The following KLHDC4 variants were observed in gnomAD, a reference collection of about 807,000 sequenced individuals.
KLHDC4 encodes the protein kelch domain containing 4.
A neutral mutation model predicts 62.4 loss-of-function variants in KLHDC4; 90 were observed. That is an observed-to-expected ratio of 1.44 (90% CI 1.22 to 1.72). KLHDC4 has a LOEUF of 1.72. Among genes scored for constraint, KLHDC4 ranks in the 40% most tolerant of loss-of-function variants. The pLI is 0.00. For missense variants in KLHDC4, 1,025 were observed against 699.7 expected, an observed-to-expected ratio of 1.47 and a Z score of -5.25; for synonymous variants, 386 against 284.4, an observed-to-expected ratio of 1.36 and a Z score of -3.59.
intron 8 of KLHDC4, among the ~76,000 whole-genome samples, chr16:87,712,118 T>C (rs989964583): frequency 2.7e-5 from 4 of 147,900 alleles, no homozygotes; most frequent in African/African-American, 7.8e-5. Flanking sequence ...CAGCCCCACC[T>C]TGGGCTGCAG....
intron 7 of KLHDC4, among the ~76,000 whole-genome samples, chr16:87,716,924 T>G (rs1357249438): frequency 3.3e-5 from 5 of 150,748 alleles, no homozygotes; most frequent in Non-Finnish European, 7.4e-5. Context: ...AGAGCGAGAC[T>G]CCGTCTCAAA....
intron 5 of KLHDC4, among the ~76,000 whole-genome samples, chr16:87,744,642 TG>T (rs139476240): frequency 0.011 from 1,563 of 148,666 alleles, 31 homozygotes; most frequent in African/African-American, 0.037. Context: ...ACAAAATACA[TG>T]AAAAAAGCAA....
At chr16:87,744,011 G>A (rs1413283326) in intron 5 of KLHDC4, among the ~76,000 whole-genome samples, 1 of 152,194 alleles carries the variant, frequency 6.6e-6, no homozygotes, top group Non-Finnish European at 1.5e-5. Flanking sequence ...AGGCGTGGTG[G>A]CTCATGCCTG....
chr16:87,701,426 A>C (rs2034138334), exon 1 of KLHDC4: 1 of 342,740 alleles, frequency 2.9e-6, no homozygotes, highest in Non-Finnish European at 5.8e-6. Context: ...CTGTTTCTTC[A>C]TGAAACCCAA....
intron 7 of KLHDC4, among the ~76,000 whole-genome samples, chr16:87,725,519 C>T (rs116285625): frequency 1.3e-5 from 2 of 152,162 alleles, no homozygotes; most frequent in African/African-American, 4.8e-5. Flanking sequence ...AGGTGTTCCC[C>T]GTAAAATTCT....
intron 1 of KLHDC4, 151 bp downstream of exon 1, chr16:87,765,641 C>G (rs1313250770): frequency 3.7e-5 from 25 of 675,010 alleles, no homozygotes; most frequent in Admixed American, 9.7e-5. Context: ...GCTGCCCGGA[C>G]GCGGCGCCGG....
chr16:87,733,652 T>C (rs1255476172), intron 5 of KLHDC4, among the ~76,000 whole-genome samples: 2 of 136,110 alleles, frequency 1.5e-5, no homozygotes, highest in Non-Finnish European at 3.2e-5. Flanking sequence ...GCCTCCTACT[T>C]AGGAATCCAC....
rs183974006 is a variant in KLHDC4, at chr16:87,708,118, C to T, written c.*2-43G>A. On this transcript the variant is annotated intron_variant, in intron 11 of 11. Transcript: ENST00000270583. ...AGGAATGAGAGAGAAACACATTCAGCCGAGGGGGAGGCCCGTGCAGGAGGG... is the reference window on the plus strand; with the variant it reads ...AGGAATGAGAGAGAAACACATTCAGTCGAGGGGGAGGCCCGTGCAGGAGGG... 530 of 656,458 alleles carry T rather than the reference C, an allele frequency of 8.1e-4. 2 individuals are homozygous for T. The African/African-American group carries it at 8.5e-3, about 11-fold the overall frequency. The allele number at this position is 656,458 out of a possible 1,614,324, so 40.7% of individuals were successfully genotyped here. A position where few individuals can be genotyped will look rare whatever the true frequency, so the allele number is the denominator to read the frequency against.
At chr16:87,706,873 C>T (rs947672237), downstream of KLHDC4, among the ~76,000 whole-genome samples, 29 of 152,290 alleles carry the variant, frequency 1.9e-4, no homozygotes, top group South Asian at 4.1e-4. Flanking sequence ...GCCAAGGGAG[C>T]GGGGAGGTGC....
chr16:87,720,248 G>A (rs1397627192), intron 7 of KLHDC4, among the ~76,000 whole-genome samples: 1 of 152,182 alleles, frequency 6.6e-6, no homozygotes, highest in Non-Finnish European at 1.5e-5. Flanking sequence ...ACGGCCAGAC[G>A]ACTGGTCCTG....
chr16:87,753,807 G>GAA (rs34945685), intron 4 of KLHDC4, among the ~76,000 whole-genome samples: 2 of 128,650 alleles, frequency 1.6e-5, no homozygotes, highest in Admixed American at 7.8e-5. Context: ...ATCTCAAGGA[G>GAA]AAAAAAAAAA....
rs754335267 is a variant in KLHDC4 at position 87,726,792 on chromosome 16, G to A, written c.732C>T (p.Ile244=). Residue 244 remains isoleucine, a synonymous_variant, in exon 7 of 12, where the codon ATC becomes ATT. Transcript: ENST00000270583. ...GTTTCGAGTAGCCCCCATAGACGACGATGCCGCCCTGGGGAGTGACGGACA... is the reference window on the plus strand; with the variant it reads ...GTTTCGAGTAGCCCCCATAGACGACAATGCCGCCCTGGGGAGTGACGGACA... ...CQMSVTPQGG[I]VVYGGYSKQR... 3 of 1,594,372 alleles carry A rather than the reference G, an allele frequency of 1.9e-6. No individual in the cohort carries two copies. The highest frequency in any genetic ancestry group is 1.8e-5 in the Admixed American group (1 of 56,502).
intron 7 of KLHDC4, among the ~76,000 whole-genome samples, chr16:87,721,381 T>C (rs867871659): frequency 2.3e-5 from 3 of 128,872 alleles, no homozygotes; most frequent in Admixed American, 9.1e-5. Flanking sequence ...CCCACTGCAC[T>C]CCAGCCTGGG....
intron 2 of KLHDC4, among the ~76,000 whole-genome samples, chr16:87,757,976 G>A (rs1165056460): frequency 1.3e-5 from 2 of 152,182 alleles, no homozygotes; most frequent in African/African-American, 2.4e-5. Context: ...GCGAATCACT[G>A]GGAAAGATCC....
intron 1 of KLHDC4, among the ~76,000 whole-genome samples, chr16:87,764,241 T>C (rs903238270): frequency 1.4e-4 from 21 of 152,194 alleles, no homozygotes; most frequent in Admixed American, 1.3e-3. Context: ...TTTTGAGGGT[T>C]CATTCAGATA....
chr16:87,745,602 T>G (rs548650101), intron 5 of KLHDC4, among the ~76,000 whole-genome samples: 1 of 152,234 alleles, frequency 6.6e-6, no homozygotes, highest in African/African-American at 2.4e-5. Context: ...TAAGATGCGC[T>G]TGGAGCTGGT....
At chr16:87,716,275 C>T (rs1398964142) in intron 7 of KLHDC4, among the ~76,000 whole-genome samples, 3 of 148,886 alleles carry the variant, frequency 2.0e-5, no homozygotes, top group Admixed American at 6.7e-5. Context: ...TTTGGGTACA[C>T]GCTATGGTCT....
At chr16:87,700,831 T>C in exon 1 of KLHDC4, 1 of 118,778 alleles carries the variant, frequency 8.4e-6, no homozygotes, top group Non-Finnish European at 1.5e-5. Context: ...AGGGAGGAGG[T>C]TGGAGGGCGG....
At chr16:87,702,444 C>G (rs538760552) in exon 1 of KLHDC4, 2 of 364,768 alleles carry the variant, frequency 5.5e-6, no homozygotes, top group East Asian at 1.5e-4. Flanking sequence ...TCGCTTGGGC[C>G]TCTGGGGAGC....
Sources: allele counts gnomAD v4.1 joint callset (sites outside exome capture counted in the v4.1 genomes callset), GRCh38; gene constraint gnomAD v4.1.1; transcripts MANE v1.5; gene names NCBI Gene and HGNC (gene_info 2026-07-23, HGNC 2026-07-21).